HSDL2: variants seen among roughly 807,000 people sequenced by gnomAD.
HSDL2 encodes the protein hydroxysteroid dehydrogenase-like protein 2.
A neutral mutation model predicts 46.3 loss-of-function variants in HSDL2; 27 were observed. The observed-to-expected ratio is 0.58, with a 90% CI of 0.43 to 0.80. HSDL2 has a LOEUF of 0.80. HSDL2 is among the 30% of genes least tolerant of loss of function. The pLI is 0.00. For missense variants in HSDL2, 451 were observed against 502.7 expected (o/e 0.90, Z 0.98); for synonymous variants, 153 against 163.6 (o/e 0.94, Z 0.50).
At chr9:112,383,367 C>G (rs370468116) in intron 1 of HSDL2, among the ~76,000 whole-genome samples, 51 of 152,088 alleles carry the variant, frequency 3.4e-4, no homozygotes, top group East Asian at 9.6e-4. Context: ...GCCACCGTGC[C>G]TGGGCAGATC....
At chr9:112,381,043 GT>G (rs1265414663) in intron 1 of HSDL2, among the ~76,000 whole-genome samples, 1 of 149,890 alleles carries the variant, frequency 6.7e-6, no homozygotes, top group Non-Finnish European at 1.5e-5. Flanking sequence ...AGTTACTTAC[GT>G]TTCTATTTCG....
intron 6 of HSDL2, among the ~76,000 whole-genome samples, chr9:112,436,964 T>TTTC (rs1161353395): frequency 2.8e-5 from 4 of 142,466 alleles, no homozygotes; most frequent in Non-Finnish European, 3.0e-5. Flanking sequence ...TTTTTTCTTT[T>TTTC]TTTTTTTTTT....
At chr9:112,457,908 C>A (rs10759567) in intron 9 of HSDL2, among the ~76,000 whole-genome samples, 145,492 of 152,236 alleles carry the variant, frequency 0.96, 69,589 homozygotes, top group African/African-American at 0.98. Context: ...CTTACTAGCC[C>A]TCTGCATCCT....
chr9:112,385,216 A>T (rs921019274), intron 1 of HSDL2, among the ~76,000 whole-genome samples: 1 of 152,208 alleles, frequency 6.6e-6, no homozygotes, highest in African/African-American at 2.4e-5. Flanking sequence ...TTATATATAT[A>T]TATGTTTGCT....
At position 112,440,703 on chromosome 9, in the gene HSDL2, T is replaced by C. The variant is rs562605828; in HGVS notation, c.794-996T>C. Among the ~76,000 whole-genome samples the C allele has an allele frequency of 2.7e-3, 410 of 152,068 alleles. 2 individuals are homozygous for C. Among genetic ancestry groups the C allele is most frequent in the African/African-American group, 9.4e-3 (391 of 41,478 alleles). ...TACTGGGCAACATGGCAAAACCCCA[T>C]CTCTACAAAAAATAAAAATGAGTGT... On this transcript the variant is annotated intron_variant, in intron 7 of 10. Transcript: ENST00000398805.
At chr9:112,396,784 C>T (rs1831466598) in intron 1 of HSDL2, among the ~76,000 whole-genome samples, 1 of 152,072 alleles carries the variant, frequency 6.6e-6, no homozygotes, top group Admixed American at 6.6e-5. Flanking sequence ...AGAGATTGAC[C>T]ACCCCGCCCC....
At chr9:112,404,275 A>G in intron 2 of HSDL2, 117 bp downstream of exon 2, 1 of 946,586 alleles carries the variant, frequency 1.1e-6, no homozygotes, top group East Asian at 2.7e-5. Flanking sequence ...AATTTTATCT[A>G]GTGAAAGAAG....
chr9:112,402,641 A>G (rs2132618829), intron 1 of HSDL2, among the ~76,000 whole-genome samples: 1 of 151,798 alleles, frequency 6.6e-6, no homozygotes, highest in East Asian at 1.9e-4. Context: ...AAAACAGGCT[A>G]GCCGGGCGCG....
At chr9:112,422,847 C>T (rs1034979248) in intron 6 of HSDL2, among the ~76,000 whole-genome samples, 6 of 152,192 alleles carry the variant, frequency 3.9e-5, no homozygotes, top group Non-Finnish European at 8.8e-5. Context: ...TCCAAGCCTT[C>T]AGGCAGAATA....
At chr9:112,413,635 A>G (rs1296707587) in intron 4 of HSDL2, among the ~76,000 whole-genome samples, 1 of 151,918 alleles carries the variant, frequency 6.6e-6, no homozygotes. Flanking sequence ...TGTTTGTATC[A>G]TGTTAAATGC....
intron 8 of HSDL2, among the ~76,000 whole-genome samples, chr9:112,444,980 A>G (rs899025640): frequency 1.3e-5 from 2 of 151,808 alleles, no homozygotes; most frequent in South Asian, 2.1e-4. Flanking sequence ...CTGGACTCAA[A>G]CAATCCTCTC....
At chr9:112,440,231 A>G (rs1832610257) in intron 7 of HSDL2, among the ~76,000 whole-genome samples, 1 of 152,156 alleles carries the variant, frequency 6.6e-6, no homozygotes, top group Non-Finnish European at 1.5e-5. Flanking sequence ...AGAACTTAAA[A>G]TGACCAGATA....
intron 6 of HSDL2, among the ~76,000 whole-genome samples, chr9:112,428,196 A>C (rs1360690387): frequency 6.6e-6 from 1 of 152,210 alleles, no homozygotes; most frequent in East Asian, 1.9e-4. Context: ...GGTAACTCTT[A>C]GGAATATTTG....
chr9:112,465,843 A>C (rs1303439688), intron 10 of HSDL2, among the ~76,000 whole-genome samples: 2 of 152,242 alleles, frequency 1.3e-5, no homozygotes, highest in African/African-American at 4.8e-5. Flanking sequence ...ATGCTTCGAT[A>C]AACATTCATA....
chr9:112,468,689 A>G (rs1409946691), intron 10 of HSDL2, among the ~76,000 whole-genome samples: 2 of 150,732 alleles, frequency 1.3e-5, no homozygotes, highest in Non-Finnish European at 3.0e-5. Context: ...CCCTTGCTGT[A>G]TTATTTTCTT....
At chr9:112,468,154 G>A (rs904256753) in intron 10 of HSDL2, among the ~76,000 whole-genome samples, 17 of 151,904 alleles carry the variant, frequency 1.1e-4, no homozygotes, top group Admixed American at 4.6e-4. Context: ...GATGTTGTTC[G>A]TCTTAATCTT....
At chr9:112,387,664 T>A (rs1396120823) in intron 1 of HSDL2, among the ~76,000 whole-genome samples, 2 of 152,208 alleles carry the variant, frequency 1.3e-5, no homozygotes, top group Non-Finnish European at 2.9e-5. Context: ...GTTTATTGGT[T>A]GCAAGGGAAG....
At chr9:112,467,913 G>A (rs1761692408) in intron 10 of HSDL2, among the ~76,000 whole-genome samples, 1 of 152,072 alleles carries the variant, frequency 6.6e-6, no homozygotes, top group African/African-American at 2.4e-5. Context: ...CTGTTTCCTG[G>A]ATCCCATGTC....
intron 1 of HSDL2, among the ~76,000 whole-genome samples, chr9:112,387,774 A>G (rs7849272): frequency 0.43 from 65,137 of 151,950 alleles, 14,130 homozygotes; most frequent in Middle Eastern, 0.5. Context: ...ATGCTGCCCT[A>G]TGGGATATAC....
Sources: gnomAD v4.1 joint callset for allele counts (sites outside exome capture counted in the v4.1 genomes callset) on GRCh38, gnomAD v4.1.1 for gene constraint, MANE v1.5 for transcripts, NCBI Gene and HGNC (gene_info 2026-07-23, HGNC 2026-07-21) for gene names.